Variants in DLG5 observed in about 807,000 individuals in gnomAD.
The protein encoded by DLG5 is disks large homolog 5.
A neutral mutation model predicts 189.8 loss-of-function variants in DLG5; 48 were observed. That is an observed-to-expected ratio of 0.25 (90% CI 0.20 to 0.32). The LOEUF (loss-of-function observed/expected upper bound fraction) is 0.32. Among genes scored for constraint, DLG5 ranks in the 10% least tolerant of loss-of-function variants. The pLI is 1.00. For synonymous variants in DLG5, 1,016 were observed against 1,054.1 expected (o/e 0.96, Z 0.70); for missense variants, 2,160 against 2,544.7 (o/e 0.85, Z 3.25).
At position 77,926,621 on chromosome 10, in the gene DLG5, G is replaced by C. The variant is rs1846704490; in HGVS notation, c.-101C>G. 6 of 947,476 alleles carry C rather than the reference G, an allele frequency of 6.3e-6. No homozygotes were observed. Among genetic ancestry groups the C allele is most frequent in the Non-Finnish European group, 7.8e-6 (6 of 769,020 alleles). The allele number at this position is 947,476 out of a possible 1,614,324, so 58.7% of individuals were successfully genotyped here. A position where few individuals can be genotyped will look rare whatever the true frequency, so the allele number is the denominator to read the frequency against. On this transcript the variant is annotated 5_prime_UTR_variant, in exon 1 of 32. Coordinates refer to ENST00000372391, the MANE Select transcript of DLG5 (RefSeq NM_004747.4). This position sits in a 1 kb window ranked among gnomAD's most constrained non-coding sequence, Gnocchi z 5.2. Reference sequence around the variant, plus strand: ...CCTCGGCAGCAGCCCTAGGGCGCCGGGAGCCGTGAGGCGGCGGGAGCCATG... The same window carrying C: ...CCTCGGCAGCAGCCCTAGGGCGCCGCGAGCCGTGAGGCGGCGGGAGCCATG...
chr10:77,810,370 G>A (rs943765616), intron 23 of DLG5, among the ~76,000 whole-genome samples: 6 of 152,220 alleles, frequency 3.9e-5, no homozygotes, highest in African/African-American at 1.2e-4. Flanking sequence ...AGAGAATGCA[G>A]AGCTGGCCTC....
chr10:77,798,750 C>T (rs912611318), intron 27 of DLG5, among the ~76,000 whole-genome samples: 1 of 152,114 alleles, frequency 6.6e-6, no homozygotes, highest in Non-Finnish European at 1.5e-5. Context: ...TGCTGATGGA[C>T]ACTACGTCAC....
intron 1 of DLG5, among the ~76,000 whole-genome samples, chr10:77,908,292 CCAGT>C (rs1846123084): frequency 6.6e-6 from 1 of 152,204 alleles, no homozygotes; most frequent in South Asian, 2.1e-4. Flanking sequence ...TCACAGACAG[CCAGT>C]CAGACACCTC....
intron 1 of DLG5, among the ~76,000 whole-genome samples, chr10:77,918,531 C>A (rs1421607679): frequency 1.3e-5 from 2 of 152,066 alleles, no homozygotes; most frequent in Non-Finnish European, 1.5e-5. Context: ...TCAAGGTCAA[C>A]AGGAATTATC....
At chr10:77,912,629 C>T (rs1846256929) in intron 1 of DLG5, 1 of 152,234 alleles carries the variant, frequency 6.6e-6, no homozygotes, top group Admixed American at 6.5e-5. Flanking sequence ...CTCCTCCCCA[C>T]ATCACTGTCC....
intron 6 of DLG5, among the ~76,000 whole-genome samples, chr10:77,843,099 A>G (rs968946741): frequency 6.6e-6 from 1 of 152,230 alleles, no homozygotes; most frequent in African/African-American, 2.4e-5. Context: ...GGAGAGGCAC[A>G]TGACAGTGAC....
At chr10:77,806,661 CA>C in intron 26 of DLG5, 96 bp downstream of exon 26, 1 of 1,455,170 alleles carries the variant, frequency 6.9e-7, no homozygotes, top group Non-Finnish European at 9.3e-7. Context: ...CCTCCTCCAG[CA>C]GCCCTGGCCC....
intron 1 of DLG5, among the ~76,000 whole-genome samples, chr10:77,909,873 CG>C (rs1361809663): frequency 6.6e-5 from 10 of 152,094 alleles, no homozygotes; most frequent in Non-Finnish European, 2.9e-5. Flanking sequence ...TCAGTGTCCA[CG>C]GGGCCTTATC....
intron 1 of DLG5, among the ~76,000 whole-genome samples, chr10:77,880,935 C>G (rs1188832281): frequency 1.4e-5 from 2 of 144,064 alleles, no homozygotes; most frequent in Non-Finnish European, 3.0e-5. Context: ...CCAACTCAAG[C>G]AGGACTCTCA....
intron 27 of DLG5, among the ~76,000 whole-genome samples, chr10:77,804,140 C>T (rs1353158855): frequency 6.6e-6 from 1 of 152,162 alleles, no homozygotes; most frequent in Non-Finnish European, 1.5e-5. Context: ...GATCCACCCA[C>T]CTCGGCTTCC....
rs113966881 is a variant in DLG5, at chr10:77,799,571, C to G, written c.5165-2977G>C. On this transcript the variant is annotated intron_variant, in intron 27 of 31. Transcript: ENST00000372391. ...CTCAAGAACTGTGAGAAAATGAATTCTTGTTATTTAAGTCACCTAGTCTGT... is the reference window on the plus strand; with the variant it reads ...CTCAAGAACTGTGAGAAAATGAATTGTTGTTATTTAAGTCACCTAGTCTGT... Among the ~76,000 whole-genome samples, 619 of 152,254 alleles carry G rather than the reference C, an allele frequency of 4.1e-3. 2 individuals carry two copies. Among genetic ancestry groups the G allele is most frequent in the Non-Finnish European group, 6.8e-3 (464 of 68,012 alleles).
At chr10:77,929,962 C>A (rs1449473318), upstream of DLG5, 1 of 152,230 alleles carries the variant, frequency 6.6e-6, no homozygotes, top group Non-Finnish European at 1.5e-5. Context: ...ATCACCCTAT[C>A]ACTTCACTCT....
chr10:77,890,501 C>T (rs1845575036), intron 1 of DLG5, among the ~76,000 whole-genome samples: 1 of 152,128 alleles, frequency 6.6e-6, no homozygotes, highest in African/African-American at 2.4e-5. Context: ...TCTATAATGG[C>T]ACACAGAGGA....
At position 77,821,622 on chromosome 10, in the gene DLG5, G is replaced by C; in HGVS notation, c.2862C>G (p.Ser954=). 1 of 1,613,118 alleles carries C rather than the reference G, an allele frequency of 6.2e-7. No homozygotes were observed. Among genetic ancestry groups the C allele is most frequent in the East Asian group, 2.2e-5 (1 of 44,860 alleles). The change falls in exon 15 of 32, where the codon TCC becomes TCG. Residue 954 remains serine, a synonymous_variant. Transcript: ENST00000372391. ...GGTWPKAMLS[S]TAVPEKLSVY... ...CAGAGAGCTTCTCAGGCACTGCCGTGGAGCTGAGCATGGCCTTGGGCCAGG... is the reference window on the plus strand; with the variant it reads ...CAGAGAGCTTCTCAGGCACTGCCGTCGAGCTGAGCATGGCCTTGGGCCAGG...
chr10:77,806,484 G>T (rs1044390965), intron 26 of DLG5, among the ~76,000 whole-genome samples: 2 of 152,210 alleles, frequency 1.3e-5, no homozygotes, highest in Non-Finnish European at 2.9e-5. Flanking sequence ...CACTTTGAGG[G>T]AGCGGCAAGG....
At chr10:77,907,616 G>A (rs1432645093) in intron 1 of DLG5, among the ~76,000 whole-genome samples, 1 of 151,996 alleles carries the variant, frequency 6.6e-6, no homozygotes. Context: ...CGCTTACACA[G>A]TACTTACCAT....
chr10:77,836,681 A>G (rs562615792), intron 7 of DLG5, among the ~76,000 whole-genome samples: 11 of 152,206 alleles, frequency 7.2e-5, no homozygotes, highest in Non-Finnish European at 1.6e-4. Flanking sequence ...GAGTCAGTTG[A>G]TAATTCCCCT....
At chr10:77,897,448 T>C (rs1845795417) in intron 1 of DLG5, among the ~76,000 whole-genome samples, 1 of 152,194 alleles carries the variant, frequency 6.6e-6, no homozygotes, top group Non-Finnish European at 1.5e-5. Flanking sequence ...ACTGCTGCCA[T>C]GTTTCATGTA....
At chr10:77,817,664 G>T in intron 18 of DLG5, 113 bp downstream of exon 18, 1 of 856,010 alleles carries the variant, frequency 1.2e-6, no homozygotes. Flanking sequence ...TCAGTCCCAG[G>T]AGGTGACAGG....
Sources: gnomAD v4.1 joint callset for allele counts (sites outside exome capture counted in the v4.1 genomes callset) on GRCh38, gnomAD v4.1.1 for gene constraint, Gnocchi (gnomAD v3.1) non-coding constraint, MANE v1.5 for transcripts, NCBI Gene and HGNC (gene_info 2026-07-23, HGNC 2026-07-21) for gene names.